The following ABL1 variants were observed in gnomAD, a reference collection of about 807,000 sequenced individuals.
ABL1 encodes the protein ABL proto-oncogene 1, non-receptor tyrosine kinase.
In ABL1, 11 loss-of-function variants were observed where a neutral mutation model predicts 94.7. That is an observed-to-expected ratio of 0.12 (90% CI 0.07 to 0.19). The LOEUF is 0.19. Among genes scored for constraint, ABL1 ranks in the 10% least tolerant of loss-of-function variants. The probability of loss-of-function intolerance (pLI) is 1.00; values close to 1 mark genes in which losing one functional copy is unlikely to be tolerated. For synonymous variants in ABL1, 656 were observed against 622.4 expected (o/e 1.05, Z -0.80); for missense variants, 1,082 against 1,489.4 (o/e 0.73, Z 4.50).
At chr9:130,799,842 A>ATACTTATTT (rs1830031329) in intron 1 of ABL1, among the ~76,000 whole-genome samples, 1 of 151,900 alleles carries the variant, frequency 6.6e-6, no homozygotes, top group African/African-American at 2.4e-5. Context: ...TCAAGAGAGG[A>ATACTTATTT]TACTTATTTA....
intron 1 of ABL1, among the ~76,000 whole-genome samples, chr9:130,848,907 C>A (rs968978149): frequency 6.6e-6 from 1 of 151,974 alleles, no homozygotes; most frequent in Admixed American, 6.6e-5. Context: ...CCATTGCACT[C>A]CAGCCTGAGT....
At chr9:130,820,799 C>G (rs555563748) in intron 1 of ABL1, among the ~76,000 whole-genome samples, 1 of 152,098 alleles carries the variant, frequency 6.6e-6, no homozygotes, top group Non-Finnish European at 1.5e-5. Flanking sequence ...TAACATATTG[C>G]TTTTTCCCCT....
Position 130,799,873 on chromosome 9 carries a change from C to A in ABL1, c.137-54191C>A, listed in dbSNP as rs201138178. On this transcript the variant is annotated intron_variant, in intron 1 of 10. Coordinates refer to the ABL1 transcript ENST00000372348. ...ATTTATAAATTTTGGGATATTTATA[C>A]TTTTTTTTTTTTCTTTAGAGATGGA... 3.4e-5 allele frequency among the ~76,000 whole-genome samples: 5 copies of A among 147,520 alleles called. No individual in the cohort carries two copies. In the East Asian group the frequency reaches 5.9e-4, roughly 17 times the overall value.
intron 3 of ABL1, among the ~76,000 whole-genome samples, chr9:130,860,802 C>T (rs1034128348): frequency 1.3e-5 from 2 of 152,178 alleles, no homozygotes; most frequent in Non-Finnish European, 2.9e-5. Context: ...GAGCACTTGC[C>T]ACCGGCAGTG....
At chr9:130,848,229 G>A (rs567054501) in intron 1 of ABL1, among the ~76,000 whole-genome samples, 23 of 151,486 alleles carry the variant, frequency 1.5e-4, no homozygotes, top group East Asian at 3.9e-4. Context: ...GGCCAGGCGC[G>A]GTGGCTCCTG....
chr9:130,724,746 T>TAAA, intron 1 of ABL1: 1 of 383,458 alleles, frequency 2.6e-6, no homozygotes, highest in Non-Finnish European at 4.9e-6. Flanking sequence ...AACCCTGTCT[T>TAAA]TAAAAAAAAA....
chr9:130,778,610 C>T (rs187718144), intron 1 of ABL1, among the ~76,000 whole-genome samples: 1 of 151,964 alleles, frequency 6.6e-6, no homozygotes, highest in Non-Finnish European at 1.5e-5. Context: ...TTGATCCTCA[C>T]CTGTGAATTC....
chr9:130,830,845 G>A (rs532198798), upstream of ABL1, among the ~76,000 whole-genome samples: 1 of 152,232 alleles, frequency 6.6e-6, no homozygotes, highest in Admixed American at 6.5e-5. Context: ...TGAAGTCGTT[G>A]CCCATGGCCC....
intron 1 of ABL1, among the ~76,000 whole-genome samples, chr9:130,792,738 ATGT>A (rs1406840196): frequency 1.3e-5 from 2 of 152,204 alleles, no homozygotes; most frequent in Non-Finnish European, 2.9e-5. Context: ...GAGATGACAG[ATGT>A]TGTCCCTACT....
chr9:130,717,726 T>C (rs1174729424), intron 1 of ABL1, among the ~76,000 whole-genome samples: 2 of 148,880 alleles, frequency 1.3e-5, no homozygotes, highest in African/African-American at 5.0e-5. Flanking sequence ...AAGAAATTCC[T>C]GGCTAGGCCG....
rs149875076 is a variant in ABL1, at chr9:130,758,895, C to T, written c.136+44440C>T. On this transcript the variant is annotated intron_variant, in intron 1 of 10. Coordinates refer to the ABL1 transcript ENST00000372348. ...GCATACTTCTCAGATGTGATGGTTT[C>T]GCCGGGATTCAGAAGGCTGTAGTGG... Among the ~76,000 whole-genome samples the T allele has an allele frequency of 4.9e-3, 745 of 152,236 alleles. 6 individuals carry two copies. Among genetic ancestry groups the T allele is most frequent in the African/African-American group, 0.017 (714 of 41,518 alleles).
At chr9:130,881,877 T>TTA (rs1554771477) in intron 10 of ABL1, among the ~76,000 whole-genome samples, 2 of 138,506 alleles carry the variant, frequency 1.4e-5, no homozygotes, top group African/African-American at 5.5e-5. Context: ...CTCTCATTAG[T>TTA]AAAAAAAAAA....
At chr9:130,868,525 T>A (rs1008559544) in intron 4 of ABL1, among the ~76,000 whole-genome samples, 1 of 131,038 alleles carries the variant, frequency 7.6e-6, no homozygotes, top group Non-Finnish European at 1.5e-5. Context: ...TTTTTCTTTT[T>A]TTTTTTTTTT....
intron 1 of ABL1, among the ~76,000 whole-genome samples, chr9:130,821,405 A>G (rs1162927975): frequency 1.3e-5 from 2 of 151,966 alleles, no homozygotes; most frequent in East Asian, 3.9e-4. Context: ...ACCTTTTGTG[A>G]CTGTTTTTTT....
rs1477022077 is a variant in ABL1, at chr9:130,885,444, A to G, written c.3154A>G (p.Ser1052Gly). The stretch of plus-strand genomic sequence containing the variant: ...CTCTAGGAACTCCGAGCAGATGGCC[A>G]GCCACAGCGCAGTGCTGGAGGCCGG... ...AISRNSEQMA[S>G]HSAVLEAGKN... Residue 1052 changes from serine to glycine, a missense_variant, in exon 11 of 11, where the codon AGC becomes GGC. Around this residue, in one of 7 missense-constraint regions of ABL1, gnomAD observed 780 missense variants for 835.8 expected, o/e 0.93. Coordinates refer to ENST00000318560, the MANE Select transcript of ABL1 (RefSeq NM_005157.6). The G allele has an allele frequency of 1.2e-6, 2 of 1,613,796 alleles. No homozygotes were observed. Among genetic ancestry groups the G allele is most frequent in the Non-Finnish European group, 1.7e-6 (2 of 1,180,056 alleles).
chr9:130,731,252 C>T (rs1588213959), intron 1 of ABL1, among the ~76,000 whole-genome samples: 1 of 152,094 alleles, frequency 6.6e-6, no homozygotes, highest in East Asian at 1.9e-4. Flanking sequence ...GGTGATCCAC[C>T]CACCTTGGCC....
chr9:130,810,468 C>A (rs1476426575), intron 1 of ABL1, among the ~76,000 whole-genome samples: 7 of 152,098 alleles, frequency 4.6e-5, no homozygotes. Flanking sequence ...TGCACTCCAA[C>A]CTGGGCGAGA....
rs746172669 is a variant in ABL1, at chr9:130,863,223, G to A, written c.822+188G>A. Among the ~76,000 whole-genome samples the A allele has an allele frequency of 1.3e-5, 2 of 152,158 alleles. No individual in the cohort carries two copies. Among genetic ancestry groups the A allele is most frequent in the African/African-American group, 4.8e-5 (2 of 41,434 alleles). On this transcript the variant is annotated intron_variant, in intron 4 of 10. Transcript: ENST00000318560. The surrounding 1 kb of genome is among the most constrained non-coding windows in gnomAD (Gnocchi z 4.3). The stretch of plus-strand genomic sequence containing the variant: ...AGGAGTGGAATCATTCTCATAGTCC[G>A]AGTGTGTTTCCACATATGGTGAGAG...
chr9:130,772,046 G>A (rs1475490601), intron 1 of ABL1, among the ~76,000 whole-genome samples: 1 of 152,094 alleles, frequency 6.6e-6, no homozygotes. Flanking sequence ...GAGCCACTGC[G>A]CCCAGCCAAA....
Sources: allele counts gnomAD v4.1 joint callset (sites outside exome capture counted in the v4.1 genomes callset), GRCh38; gene constraint gnomAD v4.1.1; regional missense constraint gnomAD v4.1.1; non-coding constraint Gnocchi (gnomAD v3.1); transcripts MANE v1.5; gene names NCBI Gene and HGNC (gene_info 2026-07-23, HGNC 2026-07-21).